ATXN2: variants seen among roughly 807,000 people sequenced by gnomAD.
The protein encoded by ATXN2 is ataxin 2.
In ATXN2, 37 loss-of-function variants were observed where a neutral mutation model predicts 138.6. That is an observed-to-expected ratio of 0.27 (90% CI 0.21 to 0.35). ATXN2 has a LOEUF of 0.35. Among genes scored for constraint, ATXN2 ranks in the 10% least tolerant of loss-of-function variants. The pLI, the probability that ATXN2 is intolerant of heterozygous loss-of-function variation, is 1.00. For missense variants in ATXN2, 1,216 were observed against 1,480.3 expected (o/e 0.82, Z 2.93); for synonymous variants, 549 against 543.7 (o/e 1.01, Z -0.13).
At chr12:111,520,753 G>T in intron 7 of ATXN2, 129 bp downstream of exon 7, 1 of 573,238 alleles carries the variant, frequency 1.7e-6, no homozygotes. Context: ...ATCACAGTTG[G>T]TAATAAGAGA....
chr12:111,555,977 A>G lies in ATXN2; in HGVS notation c.252-58T>C, dbSNP rs900448346. On this transcript the variant is annotated intron_variant, in intron 1 of 24. Transcript: ENST00000673436. ...CAACAGGCTAAATAAGCTGAAAAATATTTCCAAACTTAAAATATAATTCCA... is the reference window on the plus strand; with the variant it reads ...CAACAGGCTAAATAAGCTGAAAAATGTTTCCAAACTTAAAATATAATTCCA... 3.4e-5 allele frequency: 45 copies of G among 1,310,670 alleles called. No homozygotes were observed. In the African/African-American group the frequency reaches 5.1e-4, roughly 15 times the overall value. 81.2% of individuals were successfully genotyped at this position (1,310,670 alleles called of 1,614,324 possible). A position where few individuals can be genotyped will look rare whatever the true frequency, so the allele number is the denominator to read the frequency against.
chr12:111,495,970 C>A lies in ATXN2; in HGVS notation c.1936-7190G>T, dbSNP rs558840385. Among the ~76,000 whole-genome samples, 412 of 141,862 alleles carry A rather than the reference C, an allele frequency of 2.9e-3. 4 individuals are homozygous for A. The highest frequency in any genetic ancestry group is 0.011 in the African/African-American group (390 of 34,226). The allele number at this position is 141,862 out of a possible 152,430, so 93.1% of individuals were successfully genotyped here. ...ACAACCCTGGGACACATCGCAAAGC[C>A]CCATCTCTACAAAAAAAAAAAAAAT... On this transcript the variant is annotated intron_variant, in intron 14 of 24. Transcript: ENST00000673436.
intron 14 of ATXN2, among the ~76,000 whole-genome samples, chr12:111,509,312 G>A (rs1879365455): frequency 6.6e-6 from 1 of 151,922 alleles, no homozygotes; most frequent in African/African-American, 2.4e-5. Context: ...GTGCTATGGT[G>A]GTTTCAAATG....
At chr12:111,481,171 G>A (rs181408116) in intron 18 of ATXN2, among the ~76,000 whole-genome samples, 48 of 152,176 alleles carry the variant, frequency 3.2e-4, no homozygotes, top group African/African-American at 1.1e-3. Flanking sequence ...TGGGCCGAGC[G>A]CGGTGGTGCA....
rs1483661351 is a variant in ATXN2 at position 111,452,864 on chromosome 12, G to T, written c.3440-24C>A. The T allele has an allele frequency of 6.9e-6, 11 of 1,605,294 alleles. 1 individual carries two copies. In the South Asian group the frequency reaches 1.2e-4, roughly 18 times the overall value. The stretch of plus-strand genomic sequence containing the variant: ...TACTGTAAAAAGAAAAGCGAACATT[G>T]AAACAGAAAACTGGCAACACCACAC... On this transcript the variant is annotated intron_variant, in intron 24 of 24. Transcript: ENST00000673436.
chr12:111,598,145 A>G lies in ATXN2; in HGVS notation c.251+639T>C. Reference sequence around the variant, plus strand: ...AGCCCCCGCCGCCGCCTCGGACACGAACGCAGAGGGGTGCGGGGGCCAAGG... The same window carrying G: ...AGCCCCCGCCGCCGCCTCGGACACGGACGCAGAGGGGTGCGGGGGCCAAGG... On this transcript the variant is annotated intron_variant, in intron 1 of 24. Transcript: ENST00000673436. The surrounding 1 kb of genome is among the most constrained non-coding windows in gnomAD (Gnocchi z 4.5). 9.0e-7 allele frequency: 1 copy of G among 1,112,182 alleles called. No individual in the cohort carries two copies. Among genetic ancestry groups the G allele is most frequent in the Non-Finnish European group, 1.1e-6 (1 of 900,294 alleles). The allele number at this position is 1,112,182 out of a possible 1,614,324, so 68.9% of individuals were successfully genotyped here. A position where few individuals can be genotyped will look rare whatever the true frequency, so the allele number is the denominator to read the frequency against.
At chr12:111,464,469 T>C (rs1875853823) in intron 21 of ATXN2, among the ~76,000 whole-genome samples, 193 bp downstream of exon 21, 1 of 152,122 alleles carries the variant, frequency 6.6e-6, no homozygotes, top group African/African-American at 2.4e-5. Context: ...AACAACTCCA[T>C]TTTTCATTAA....
chr12:111,595,640 C>CAAAAAAAAA (rs35562762), intron 1 of ATXN2, among the ~76,000 whole-genome samples: 1 of 79,598 alleles, frequency 1.3e-5, no homozygotes. Flanking sequence ...GACTCTGTCT[C>CAAAAAAAAA]AAAAAAAAAA....
intron 15 of ATXN2, among the ~76,000 whole-genome samples, chr12:111,488,108 C>A (rs568335516): frequency 6.6e-6 from 1 of 152,264 alleles, no homozygotes; most frequent in South Asian, 2.1e-4. Context: ...CTCTCCTTGA[C>A]AGTGGCAGTT....
At chr12:111,599,323 G>A (rs977154808), upstream of ATXN2, 3 of 1,175,086 alleles carry the variant, frequency 2.6e-6, no homozygotes, top group East Asian at 4.0e-5. Flanking sequence ...TCTGCCGGGA[G>A]GGAGGGGGGC....
At chr12:111,574,936 C>T (rs893646329) in intron 1 of ATXN2, among the ~76,000 whole-genome samples, 1 of 152,136 alleles carries the variant, frequency 6.6e-6, no homozygotes, top group Non-Finnish European at 1.5e-5. Context: ...GGTCATTTAA[C>T]CTCTCTGGGC....
chr12:111,519,719 G>T, intron 8 of ATXN2, 160 bp downstream of exon 8: 1 of 1,319,132 alleles, frequency 7.6e-7, no homozygotes, highest in Non-Finnish European at 1.0e-6. Context: ...TATTTTCCAA[G>T]ATCACCATAA....
intron 21 of ATXN2, among the ~76,000 whole-genome samples, chr12:111,462,917 AAATTT>A (rs1468242870): frequency 6.6e-6 from 1 of 152,084 alleles, no homozygotes; most frequent in Non-Finnish European, 1.5e-5. Flanking sequence ...TTAAAGGATT[AAATTT>A]AACATTTCCT....
intron 20 of ATXN2, among the ~76,000 whole-genome samples, chr12:111,466,373 C>T (rs1472799053): frequency 1.3e-5 from 2 of 151,216 alleles, no homozygotes; most frequent in East Asian, 3.9e-4. Context: ...TGGTGGCGGG[C>T]GCCTGTAGTC....
intron 20 of ATXN2, among the ~76,000 whole-genome samples, chr12:111,466,642 T>A (rs903751254): frequency 6.6e-6 from 1 of 152,240 alleles, no homozygotes; most frequent in Admixed American, 6.5e-5. Flanking sequence ...TTAGCATATG[T>A]GTATTAAACA....
chr12:111,453,268 C>T lies in ATXN2; in HGVS notation c.3439+409G>A, dbSNP rs1356015081. The stretch of plus-strand genomic sequence containing the variant: ...ACACTCAAAGCCAGTCCATCCACAG[C>T]GCTTTCTCAGCAGTATCTTCTCCAG... On this transcript the variant is annotated intron_variant, in intron 24 of 24. Transcript: ENST00000673436. This position sits in a 1 kb window ranked among gnomAD's most constrained non-coding sequence, Gnocchi z 5.4. The T allele has an allele frequency of 2.2e-5, 23 of 1,059,696 alleles. No homozygotes were observed. Among genetic ancestry groups the T allele is most frequent in the East Asian group, 7.4e-5 (1 of 13,450 alleles). The allele number at this position is 1,059,696 out of a possible 1,614,324, so 65.6% of individuals were successfully genotyped here.
Position 111,598,559 on chromosome 12 carries a change from G to C in ATXN2, c.251+225C>G. On this transcript the variant is annotated intron_variant, in intron 1 of 24. Coordinates refer to ENST00000673436, the MANE Select transcript of ATXN2 (RefSeq NM_001372574.1). This position sits in a 1 kb window ranked among gnomAD's most constrained non-coding sequence, Gnocchi z 4.5. Reference sequence around the variant, plus strand: ...TCCATCTTGACCGCCGGGGGAGGGGGCGGGGATGCTGCGGGAGGCTGGACA... The same window carrying C: ...TCCATCTTGACCGCCGGGGGAGGGGCCGGGGATGCTGCGGGAGGCTGGACA... The C allele has an allele frequency of 1.0e-6, 1 of 984,286 alleles. No individual in the cohort carries two copies. The highest frequency in any genetic ancestry group is 4.7e-5 in the South Asian group (1 of 21,246). 61.0% of individuals were successfully genotyped at this position (984,286 alleles called of 1,614,324 possible).
At chr12:111,500,680 C>G (rs1199068701) in intron 14 of ATXN2, among the ~76,000 whole-genome samples, 1 of 152,148 alleles carries the variant, frequency 6.6e-6, no homozygotes, top group Non-Finnish European at 1.5e-5. Context: ...CAAGACCATC[C>G]CAGCCAACAT....
At position 111,517,709 on chromosome 12, in the gene ATXN2, G is replaced by GTT. The variant is rs1879933439; in HGVS notation, c.1165+538_1165+539dup. Among the ~76,000 whole-genome samples, 4 of 152,184 alleles carry GTT rather than the reference G, an allele frequency of 2.6e-5. No individual in the cohort carries two copies. In the South Asian group the frequency reaches 8.3e-4, roughly 32 times the overall value. On this transcript the variant is annotated intron_variant, in intron 9 of 24. Transcript: ENST00000673436. ...AACATCCACCCTTAGACTAAGGGTT[G>GTT]TTTTTGTTGTTTTTTAAGCAAATTT...
Sources: gnomAD v4.1 joint callset for allele counts (sites outside exome capture counted in the v4.1 genomes callset) on GRCh38, gnomAD v4.1.1 for gene constraint, Gnocchi (gnomAD v3.1) non-coding constraint, MANE v1.5 for transcripts, NCBI Gene and HGNC (gene_info 2026-07-23, HGNC 2026-07-21) for gene names.